Variants in ASCC1 observed in about 807,000 individuals in gnomAD.
ASCC1 encodes activating signal cointegrator 1 complex subunit 1.
In ASCC1, 35 loss-of-function variants were observed where a neutral mutation model predicts 46.6. That is an observed-to-expected ratio of 0.75 (90% CI 0.57 to 0.99). ASCC1 has a LOEUF of 0.99. Ranked by LOEUF, ASCC1 falls within the 50% of genes least tolerant of loss-of-function variation. The pLI is 0.00. For synonymous variants in ASCC1, 143 were observed against 146.6 expected, an observed-to-expected ratio of 0.98 and a Z score of 0.18; for missense variants, 376 against 428.7, an observed-to-expected ratio of 0.88 and a Z score of 1.09.
chr10:72,212,724 T>C lies in ASCC1; in HGVS notation c.112+463A>G, dbSNP rs775460669. Among the ~76,000 whole-genome samples, 31 of 152,164 alleles carry C rather than the reference T, an allele frequency of 2.0e-4. 1 individual carries two copies. In the East Asian group the frequency reaches 5.6e-3, roughly 27 times the overall value. On this transcript the variant is annotated intron_variant, in intron 2 of 9. Transcript: ENST00000672957. ...TTAGCTGGGCATCCTGGCACATGGC[T>C]GTAATCCCAGCTACTCAGGAGGCTG...
intron 7 of ASCC1, among the ~76,000 whole-genome samples, chr10:72,149,304 G>T (rs537772743): frequency 1.3e-5 from 2 of 152,060 alleles, no homozygotes; most frequent in African/African-American, 4.8e-5. Flanking sequence ...CAGGCGTGGT[G>T]GCGGGTGCCT....
intron 9 of ASCC1, among the ~76,000 whole-genome samples, chr10:72,127,327 C>T (rs1302981972): frequency 2.6e-5 from 4 of 152,168 alleles, no homozygotes; most frequent in Non-Finnish European, 5.9e-5. Context: ...ATGAATATTA[C>T]AGAAGGGTAG....
At chr10:72,145,365 A>T (rs1179123641) in intron 7 of ASCC1, among the ~76,000 whole-genome samples, 1 of 152,132 alleles carries the variant, frequency 6.6e-6, no homozygotes, top group Admixed American at 6.5e-5. Context: ...CCTACTCCTC[A>T]TGCCCCATCT....
At position 72,213,485 on chromosome 10, in the gene ASCC1, A is replaced by T. The variant is rs76088137; in HGVS notation, c.-33-154T>A. The T allele has an allele frequency of 0.01, 6,349 of 605,122 alleles. 289 individuals carry two copies. Among genetic ancestry groups the T allele is most frequent in the African/African-American group, 0.1 (5,581 of 54,502 alleles). 37.5% of individuals were successfully genotyped at this position (605,122 alleles called of 1,614,324 possible). ...TTTCCCATTGGATTTCCCATCTGTA[A>T]ACCAGTTTAGGTTAATTGCTGCATT... On this transcript the variant is annotated intron_variant, in intron 1 of 9. Transcript: ENST00000672957.
intron 9 of ASCC1, among the ~76,000 whole-genome samples, chr10:72,117,149 C>T (rs188008945): frequency 1.2e-4 from 19 of 152,292 alleles, no homozygotes; most frequent in Admixed American, 1.3e-4. Flanking sequence ...TTGATTTCTT[C>T]GAACACAGTA....
intron 5 of ASCC1, among the ~76,000 whole-genome samples, chr10:72,182,251 C>T (rs1323758934): frequency 6.6e-6 from 1 of 152,208 alleles, no homozygotes; most frequent in Admixed American, 6.5e-5. Flanking sequence ...AAAGGTCACA[C>T]TTCAAAGTGG....
chr10:72,157,725 T>C (rs1475305612), intron 6 of ASCC1, among the ~76,000 whole-genome samples: 2 of 152,196 alleles, frequency 1.3e-5, no homozygotes, highest in Non-Finnish European at 2.9e-5. Context: ...CTTAAAATGG[T>C]TATGATGGCA....
Position 72,200,170 on chromosome 10 carries a change from G to A in ASCC1, c.311-3181C>T, listed in dbSNP as rs572894671. On this transcript the variant is annotated intron_variant, in intron 4 of 9. Transcript: ENST00000672957. ...GCTAGGGTCTCCACATTTACACCACGTTATAATTTTACTGCAATAAAAAAT... is the reference window on the plus strand; with the variant it reads ...GCTAGGGTCTCCACATTTACACCACATTATAATTTTACTGCAATAAAAAAT... Among the ~76,000 whole-genome samples, 31 of 152,046 alleles carry A rather than the reference G, an allele frequency of 2.0e-4. 1 individual carries two copies. Among genetic ancestry groups the A allele is most frequent in the South Asian group, 1.7e-3 (8 of 4,824 alleles).
chr10:72,096,321 C>T lies in ASCC1; in HGVS notation c.*1013G>A, dbSNP rs1420998286. On this transcript the variant is annotated 3_prime_UTR_variant, in exon 10 of 10. Transcript: ENST00000672957. ...GTGAGGGCCTCCTGTGGCTGACATT[C>T]TTCCAGGGAACTCTGCACAGTCCTG... 1 of 454,082 alleles carries T rather than the reference C, an allele frequency of 2.2e-6. No homozygotes were observed. The allele number at this position is 454,082 out of a possible 1,614,324, so 28.1% of individuals were successfully genotyped here.
intron 5 of ASCC1, among the ~76,000 whole-genome samples, chr10:72,176,653 T>C (rs898230161): frequency 6.6e-6 from 1 of 152,094 alleles, no homozygotes; most frequent in Non-Finnish European, 1.5e-5. Flanking sequence ...CCTTAACTAT[T>C]TTCTTACTCT....
chr10:72,108,030 T>A (rs1457666252), intron 9 of ASCC1, among the ~76,000 whole-genome samples: 1 of 151,994 alleles, frequency 6.6e-6, no homozygotes, highest in Non-Finnish European at 1.5e-5. Flanking sequence ...GACTATCACA[T>A]CATCTAGGAT....
At chr10:72,191,884 G>C (rs1053710399) in intron 5 of ASCC1, among the ~76,000 whole-genome samples, 2 of 151,090 alleles carry the variant, frequency 1.3e-5, no homozygotes, top group African/African-American at 4.9e-5. Flanking sequence ...CTGACCTCAA[G>C]TGATCCACCC....
At chr10:72,176,912 C>T (rs1022581785) in intron 5 of ASCC1, among the ~76,000 whole-genome samples, 3 of 151,962 alleles carry the variant, frequency 2.0e-5, no homozygotes, top group Admixed American at 2.0e-4. Context: ...ATTGTCAGCT[C>T]CCTTATCAAG....
chr10:72,141,080 G>GATATAGAT (rs1554829970), intron 7 of ASCC1, among the ~76,000 whole-genome samples: 1 of 141,022 alleles, frequency 7.1e-6, no homozygotes, highest in Non-Finnish European at 1.6e-5. Context: ...TAGATAGATA[G>GATATAGAT]ATAGATATAG....
intron 9 of ASCC1, among the ~76,000 whole-genome samples, chr10:72,102,021 AG>A (rs1311701242): frequency 6.6e-6 from 1 of 152,170 alleles, no homozygotes; most frequent in Non-Finnish European, 1.5e-5. Context: ...GAAGCAGAAA[AG>A]GTAACTACTG....
At chr10:72,166,071 G>T (rs1178752409) in intron 5 of ASCC1, among the ~76,000 whole-genome samples, 1 of 152,188 alleles carries the variant, frequency 6.6e-6, no homozygotes, top group Non-Finnish European at 1.5e-5. Context: ...AGGAAGAGAT[G>T]AGGTCAAAAT....
intron 7 of ASCC1, among the ~76,000 whole-genome samples, chr10:72,147,441 C>T (rs535518186): frequency 6.6e-6 from 1 of 152,098 alleles, no homozygotes; most frequent in African/African-American, 2.4e-5. Context: ...TTAGTAGAGA[C>T]AAGGTTTCGC....
chr10:72,212,368 T>C (rs1858280625), intron 2 of ASCC1: 1 of 155,792 alleles, frequency 6.4e-6, no homozygotes, highest in Non-Finnish European at 1.4e-5. Context: ...CACAACTATT[T>C]ACAGAGCATT....
intron 9 of ASCC1, among the ~76,000 whole-genome samples, chr10:72,101,181 G>A (rs942622050): frequency 3.9e-5 from 6 of 152,188 alleles, no homozygotes; most frequent in African/African-American, 1.4e-4. Flanking sequence ...TAGGGAGAGT[G>A]CATATCAGAA....
Sources: gnomAD v4.1 joint callset for allele counts (sites outside exome capture counted in the v4.1 genomes callset) on GRCh38, gnomAD v4.1.1 for gene constraint, MANE v1.5 for transcripts, NCBI Gene and HGNC (gene_info 2026-07-23, HGNC 2026-07-21) for gene names.